SV2C: variants seen among roughly 807,000 people sequenced by gnomAD.
SV2C encodes the protein solute carrier family 22 member B3.
A neutral mutation model predicts 79.7 loss-of-function variants in SV2C; 49 were observed. That is an observed-to-expected ratio of 0.61 (90% confidence interval 0.49 to 0.78). The LOEUF (loss-of-function observed/expected upper bound fraction) is 0.78. SV2C is among the 30% of genes least tolerant of loss of function. The probability of loss-of-function intolerance (pLI) is 0.00; values close to 1 mark genes in which losing one functional copy is unlikely to be tolerated. For synonymous variants in SV2C, 334 were observed against 333.2 expected (o/e 1.00, Z -0.03); for missense variants, 833 against 912.9 (o/e 0.91, Z 1.13).
chr5:76,096,849 C>G (rs1680140253), intron 1 of SV2C, among the ~76,000 whole-genome samples: 1 of 152,166 alleles, frequency 6.6e-6, no homozygotes, highest in Non-Finnish European at 1.5e-5. Flanking sequence ...GCCTGACTGT[C>G]TTTGAGCTGG....
chr5:76,165,310 C>A (rs1743013726), intron 2 of SV2C, among the ~76,000 whole-genome samples: 1 of 152,200 alleles, frequency 6.6e-6, no homozygotes, highest in South Asian at 2.1e-4. Flanking sequence ...AACTCAAATA[C>A]AGACTTTATT....
In SV2C at chr5:76,209,879, C is replaced by T. The variant is rs200015480; in HGVS notation, c.905C>T (p.Pro302Leu). 1.4e-5 allele frequency: 22 copies of T among 1,612,680 alleles called. No individual in the cohort carries two copies. Among genetic ancestry groups the T allele is most frequent in the South Asian group, 6.6e-5 (6 of 90,824 alleles). Residue 302 changes from proline to leucine, a missense_variant, in exon 4 of 13, where the codon CCG becomes CTG. Pro to Leu is a moderately conservative substitution (Grantham distance 98). Coordinates refer to ENST00000502798, the MANE Select transcript of SV2C (RefSeq NM_014979.4). Reference protein sequence around the residue: ...YASAMAWAIIPHYGWSFSMGS... With the variant: ...YASAMAWAIILHYGWSFSMGS... ...TCTGCCATGGCCTGGGCCATCATCC[C>T]GCACTACGGTAAGAGGCTGGCCTTG...
chr5:76,102,487 C>T lies in SV2C; in HGVS notation c.-102+18975C>T, dbSNP rs143031659. ...GCAATTACTCTATGTTGTGAATGCTCATTCTCTTGTCTGTATTTTGAAGGT... is the reference window on the plus strand; with the variant it reads ...GCAATTACTCTATGTTGTGAATGCTTATTCTCTTGTCTGTATTTTGAAGGT... On this transcript the variant is annotated intron_variant, in intron 1 of 12. Transcript: ENST00000502798. Among the ~76,000 whole-genome samples, 260 of 152,274 alleles carry T rather than the reference C, an allele frequency of 1.7e-3. 7 individuals carry two copies. In the East Asian group the frequency reaches 0.048, roughly 28 times the overall value.
intron 12 of SV2C, among the ~76,000 whole-genome samples, chr5:76,302,543 T>C (rs1177916970): frequency 7.0e-6 from 1 of 143,394 alleles, no homozygotes; most frequent in African/African-American, 2.6e-5. Context: ...GGCACGAGAA[T>C]GGCTTGAACC....
At chr5:76,020,331 A>G in the SV2C span, among the ~76,000 whole-genome samples, 2 of 152,180 alleles carry the variant, frequency 1.3e-5, no homozygotes, top group Non-Finnish European at 2.9e-5. Context: ...ACGGAATTTC[A>G]TCATTGCTAT....
chr5:75,874,037 C>A, the SV2C span, among the ~76,000 whole-genome samples: 196 of 152,264 alleles, frequency 1.3e-3, no homozygotes, highest in Middle Eastern at 3.4e-3. Context: ...AGCAGGGACT[C>A]CTTCCTAATT....
chr5:76,272,559 A>G (rs1746904443), intron 4 of SV2C, among the ~76,000 whole-genome samples: 1 of 152,218 alleles, frequency 6.6e-6, no homozygotes, highest in African/African-American at 2.4e-5. Context: ...GTCCTCTATC[A>G]ACTTTTGGAC....
intron 4 of SV2C, among the ~76,000 whole-genome samples, chr5:76,250,755 C>T (rs568881766): frequency 1.3e-5 from 2 of 152,272 alleles, no homozygotes; most frequent in South Asian, 2.1e-4. Context: ...AAGCAGAAAA[C>T]GATATCATCA....
intron 12 of SV2C, among the ~76,000 whole-genome samples, chr5:76,351,084 C>T (rs1002907658): frequency 2.6e-5 from 4 of 151,816 alleles, no homozygotes; most frequent in African/African-American, 2.4e-5. Flanking sequence ...ATCACTGGGT[C>T]GGTGCAACTT....
chr5:75,870,723 A>G, the SV2C span, among the ~76,000 whole-genome samples: 1 of 152,338 alleles, frequency 6.6e-6, no homozygotes. Context: ...TTAATAATCA[A>G]ACTCCAAAAT....
intron 4 of SV2C, among the ~76,000 whole-genome samples, chr5:76,210,134 CA>C (rs1256081345): frequency 6.6e-6 from 1 of 152,180 alleles, no homozygotes; most frequent in African/African-American, 2.4e-5. Flanking sequence ...TGTGCTTTCA[CA>C]AGATTTCTGG....
chr5:76,336,184 C>T (rs1260483184), downstream of SV2C, among the ~76,000 whole-genome samples: 4 of 151,426 alleles, frequency 2.6e-5, no homozygotes, highest in Non-Finnish European at 4.4e-5. Context: ...GGGTGGCTGC[C>T]GGGCAGAGAC....
rs1297623079 is a variant in SV2C, at chr5:76,209,791, G to C, written c.817G>C (p.Glu273Gln). The C allele has an allele frequency of 1.9e-6, 3 of 1,614,102 alleles. No individual in the cohort carries two copies. Among genetic ancestry groups the C allele is most frequent in the Non-Finnish European group, 2.5e-6 (3 of 1,180,048 alleles). The change falls in exon 4 of 13, where the codon GAA becomes CAA. Residue 273 changes from glutamate (E) to glutamine (Q), a missense_variant. Transcript: ENST00000502798. ...GTACTTTGCTGAAGTCCTGGCCCGGGAAAAGCGGGGCGAACACTTGAGCTG... is the reference window on the plus strand; with the variant it reads ...GTACTTTGCTGAAGTCCTGGCCCGGCAAAAGCGGGGCGAACACTTGAGCTG... ...FSYFAEVLAR[E>Q]KRGEHLSWLC...
intron 4 of SV2C, chr5:76,242,337 G>T: frequency 2.1e-6 from 3 of 1,427,310 alleles, no homozygotes; most frequent in East Asian, 4.9e-5. Context: ...TGCTGGACGC[G>T]GGACGCAGCG....
intron 4 of SV2C, among the ~76,000 whole-genome samples, chr5:76,243,868 A>T (rs545590979): frequency 2.0e-5 from 3 of 152,148 alleles, no homozygotes; most frequent in Admixed American, 2.0e-4. Flanking sequence ...ACATGCAGCC[A>T]CACTGGCCTT....
the SV2C span, among the ~76,000 whole-genome samples, chr5:76,003,947 G>A: frequency 2.0e-5 from 3 of 152,026 alleles, no homozygotes; most frequent in Admixed American, 2.0e-4. Flanking sequence ...AACCAGAGGA[G>A]AAGGGAGGAT....
chr5:75,935,483 T>G, the SV2C span, among the ~76,000 whole-genome samples: 1 of 152,132 alleles, frequency 6.6e-6, no homozygotes, highest in Non-Finnish European at 1.5e-5. Context: ...TACAAATCAT[T>G]GCAGTGTAAT....
chr5:76,004,536 G>A, the SV2C span, among the ~76,000 whole-genome samples: 5 of 152,216 alleles, frequency 3.3e-5, no homozygotes, highest in African/African-American at 1.2e-4. Context: ...TTATATTTGT[G>A]TTGCTCTTAG....
chr5:75,998,717 G>T, the SV2C span, among the ~76,000 whole-genome samples: 4 of 151,604 alleles, frequency 2.6e-5, no homozygotes, highest in Non-Finnish European at 4.4e-5. Flanking sequence ...GGCTTTCCTA[G>T]GTCTCCAGCT....
Sources: gnomAD v4.1 joint callset for allele counts (sites outside exome capture counted in the v4.1 genomes callset) on GRCh38, gnomAD v4.1.1 for gene constraint, MANE v1.5 for transcripts, NCBI Gene and HGNC (gene_info 2026-07-23, HGNC 2026-07-21) for gene names.